WDR41: variants seen among roughly 807,000 people sequenced by gnomAD.
WDR41 encodes the protein WD repeat domain 41.
Under a neutral mutation model 69.3 loss-of-function variants are expected in WDR41, and 63 were observed. That is an observed-to-expected ratio of 0.91 (90% CI 0.74 to 1.12). The LOEUF is 1.12. WDR41 is among the 50% of genes most tolerant of loss of function. The probability of loss-of-function intolerance (pLI) is 0.00; values close to 1 mark genes in which losing one functional copy is unlikely to be tolerated. For synonymous variants in WDR41, 185 were observed against 192.1 expected (o/e 0.96, Z 0.31); for missense variants, 543 against 534.5 (o/e 1.02, Z -0.16).
intron 6 of WDR41, 66 bp downstream of exon 6, chr5:77,453,751 C>T: frequency 7.6e-7 from 1 of 1,311,822 alleles, no homozygotes; most frequent in Non-Finnish European, 1.1e-6. Flanking sequence ...TGGAAAGTCT[C>T]TCTGAAGATC....
chr5:77,503,992 C>G (rs186950632), intron 1 of WDR41, among the ~76,000 whole-genome samples: 43 of 152,174 alleles, frequency 2.8e-4, no homozygotes, highest in African/African-American at 1.0e-3. Context: ...CAAACACATT[C>G]AAAAACTAGC....
At chr5:77,493,839 C>A (rs1269831665), upstream of WDR41, among the ~76,000 whole-genome samples, 3 of 152,198 alleles carry the variant, frequency 2.0e-5, no homozygotes, top group Non-Finnish European at 4.4e-5. Context: ...TTGCCCCATG[C>A]TCTTTAGGGT....
chr5:77,469,251 G>A (rs773549895), intron 2 of WDR41, among the ~76,000 whole-genome samples: 2 of 152,074 alleles, frequency 1.3e-5, no homozygotes, highest in African/African-American at 2.4e-5. Context: ...GTGGGGTGGG[G>A]GTAGGGGGGA....
At chr5:77,492,386 A>C (rs545941493), upstream of WDR41, 8 of 871,486 alleles carry the variant, frequency 9.2e-6, no homozygotes, top group African/African-American at 1.7e-5. Flanking sequence ...TTGAGGGAGA[A>C]TTTTTGTCCC....
upstream of WDR41, among the ~76,000 whole-genome samples, chr5:77,493,652 A>C (rs1300298239): frequency 1.3e-5 from 2 of 152,236 alleles, no homozygotes; most frequent in African/African-American, 4.8e-5. Context: ...GTCTGCATAC[A>C]GTTGAAGACA....
intron 1 of WDR41, chr5:77,546,005 G>A: frequency 2.0e-6 from 1 of 492,574 alleles, no homozygotes; most frequent in East Asian, 3.4e-5. Flanking sequence ...CATCATCTCG[G>A]CCCCTGTGCC....
intron 5 of WDR41, among the ~76,000 whole-genome samples, chr5:77,455,423 T>C (rs1052737159): frequency 3.9e-5 from 6 of 152,232 alleles, no homozygotes; most frequent in African/African-American, 1.4e-4. Flanking sequence ...CTGTATGTTG[T>C]CTTTTCACTT....
At chr5:77,603,952 T>C (rs1744370231) in intron 1 of WDR41, among the ~76,000 whole-genome samples, 1 of 152,196 alleles carries the variant, frequency 6.6e-6, no homozygotes, top group Non-Finnish European at 1.5e-5. Context: ...TTTATACCAA[T>C]ACCATGCTGT....
At chr5:77,489,609 G>C (rs748007525) in intron 1 of WDR41, 37 bp from the exon 2 acceptor site, 5 of 1,233,112 alleles carry the variant, frequency 4.1e-6, no homozygotes, top group Non-Finnish European at 4.6e-6. Flanking sequence ...AAAAACAAAA[G>C]ACAAAAAAAG....
chr5:77,539,267 A>T (rs1021878770), intron 1 of WDR41, among the ~76,000 whole-genome samples: 1 of 152,212 alleles, frequency 6.6e-6, no homozygotes, highest in Non-Finnish European at 1.5e-5. Flanking sequence ...TGCAGACAAA[A>T]GTGGAAATTA....
intron 1 of WDR41, among the ~76,000 whole-genome samples, chr5:77,538,451 C>T (rs1165691786): frequency 6.6e-6 from 1 of 152,156 alleles, no homozygotes; most frequent in Non-Finnish European, 1.5e-5. Context: ...CCTTGCCTCT[C>T]TTCTTCCCTC....
At chr5:77,616,566 T>C (rs990766807) in intron 1 of WDR41, among the ~76,000 whole-genome samples, 4 of 152,204 alleles carry the variant, frequency 2.6e-5, no homozygotes, top group African/African-American at 9.7e-5. Context: ...CTGAAACAGC[T>C]ATGACATCGC....
At chr5:77,471,019 G>A (rs921435674) in intron 2 of WDR41, among the ~76,000 whole-genome samples, 1 of 152,088 alleles carries the variant, frequency 6.6e-6, no homozygotes, top group African/African-American at 2.4e-5. Context: ...TGACCACATA[G>A]TTGGAAGTAA....
intron 12 of WDR41, among the ~76,000 whole-genome samples, chr5:77,434,706 A>G (rs938950359): frequency 6.6e-6 from 1 of 152,170 alleles, no homozygotes; most frequent in Non-Finnish European, 1.5e-5. Context: ...CAAAGAAAAA[A>G]AAAGAAATGA....
intron 1 of WDR41, among the ~76,000 whole-genome samples, chr5:77,538,812 T>C (rs1743036227): frequency 6.6e-6 from 1 of 152,216 alleles, no homozygotes; most frequent in African/African-American, 2.4e-5. Flanking sequence ...GATAATTATA[T>C]TGGCCACTCA....
At chr5:77,586,564 T>C (rs1366179491) in intron 1 of WDR41, among the ~76,000 whole-genome samples, 5 of 151,956 alleles carry the variant, frequency 3.3e-5, no homozygotes, top group African/African-American at 1.2e-4. Context: ...CCTTGGCCTC[T>C]CAAAGTGCTG....
intron 1 of WDR41, among the ~76,000 whole-genome samples, chr5:77,617,690 C>T (rs7701041): frequency 0.012 from 1,857 of 152,064 alleles, 40 homozygotes; most frequent in African/African-American, 0.043. Context: ...TAGGTAGGTA[C>T]GTGTCAAAGG....
chr5:77,453,874 A>G lies in WDR41; in HGVS notation c.466T>C (p.Cys156Arg), dbSNP rs1799719913. The change falls in exon 6 of 13, where the codon TGT (cysteine) becomes CGT (arginine). Residue 156 changes from cysteine (C) to arginine (R), a missense_variant. By Grantham distance (180) the Cys-to-Arg change is radical. Coordinates refer to ENST00000296679, the MANE Select transcript of WDR41 (RefSeq NM_018268.4). ...DVWLSGGNDL[C>R]VWNRKLDLLC... ...AGATCTAATTTTCGGTTCCACACAC[A>G]CAGGTCATTCCCACCAGAAAGCCAA... 6.2e-7 allele frequency: 1 copy of G among 1,613,986 alleles called. No homozygotes were observed. The highest frequency in any genetic ancestry group is 8.5e-7 in the Non-Finnish European group (1 of 1,180,008).
chr5:77,431,075 A>G lies in WDR41; in HGVS notation c.*2060T>C, dbSNP rs993445463. The G allele has an allele frequency of 6.6e-6, 1 of 152,254 alleles. No individual in the cohort carries two copies. Among genetic ancestry groups the G allele is most frequent in the Non-Finnish European group, 1.5e-5 (1 of 68,056 alleles). 9.4% of individuals were successfully genotyped at this position (152,254 alleles called of 1,614,324 possible). On this transcript the variant is annotated 3_prime_UTR_variant, in exon 13 of 13. Coordinates refer to ENST00000296679, the MANE Select transcript of WDR41 (RefSeq NM_018268.4). ...GAAATGACAACAAAGGATTTAGAAT[A>G]TTCTATAAACTTAGTTCATAAAGGA...
Sources: allele counts gnomAD v4.1 joint callset (sites outside exome capture counted in the v4.1 genomes callset), GRCh38; gene constraint gnomAD v4.1.1; transcripts MANE v1.5; gene names NCBI Gene and HGNC (gene_info 2026-07-23, HGNC 2026-07-21).